Variants in EXT2 observed in about 807,000 individuals in gnomAD.
EXT2 encodes the protein exostosin-2.
EXT2 carries 53 observed loss-of-function variants against 81.6 expected under a neutral mutation model. The observed-to-expected ratio is 0.65, with a 90% CI of 0.52 to 0.82. The LOEUF is 0.82. EXT2 is among the 40% of genes least tolerant of loss of function. The probability of loss-of-function intolerance (pLI) is 0.00; values close to 1 mark genes in which losing one functional copy is unlikely to be tolerated. For synonymous variants in EXT2, 320 were observed against 340.0 expected (o/e 0.94, Z 0.65); for missense variants, 774 against 910.2 (o/e 0.85, Z 1.93).
At chr11:44,233,727 G>T (rs984212129) in intron 11 of EXT2, among the ~76,000 whole-genome samples, 16 of 151,972 alleles carry the variant, frequency 1.1e-4, no homozygotes, top group Non-Finnish European at 1.0e-4. Context: ...CCAGAAATGG[G>T]TTTTTTTATT....
At chr11:44,187,406 C>T (rs1955331276) in intron 8 of EXT2, among the ~76,000 whole-genome samples, 1 of 151,798 alleles carries the variant, frequency 6.6e-6, no homozygotes, top group Non-Finnish European at 1.5e-5. Flanking sequence ...GAACTCCTGG[C>T]CTCCAGCTCT....
intron 13 of EXT2, among the ~76,000 whole-genome samples, chr11:44,239,634 G>T (rs1004531291): frequency 2.1e-5 from 3 of 144,678 alleles, no homozygotes; most frequent in African/African-American, 5.2e-5. Flanking sequence ...CTCAGGATCC[G>T]CCCACCTCGG....
intron 8 of EXT2, among the ~76,000 whole-genome samples, chr11:44,192,537 C>T (rs1955405934): frequency 1.3e-5 from 2 of 152,008 alleles, no homozygotes; most frequent in African/African-American, 4.8e-5. Flanking sequence ...TCACCAATAC[C>T]AGTGTTTTAG....
rs1956129671 is a variant in EXT2, at chr11:44,250,485, T to G, written c.*6198T>G. Among the ~76,000 whole-genome samples the G allele has an allele frequency of 6.6e-6, 1 of 152,238 alleles. No individual in the cohort carries two copies. On this transcript the variant is annotated 3_prime_UTR_variant, in exon 14 of 14. Transcript: ENST00000533608. Reference sequence around the variant, plus strand: ...TTTACCAGATTGTACCTGGTGATGCTGGCAGCCAGCCCTCTTCCGGCCCCT... The same window carrying G: ...TTTACCAGATTGTACCTGGTGATGCGGGCAGCCAGCCCTCTTCCGGCCCCT...
chr11:44,237,947 G>GGT (rs113103446), intron 13 of EXT2, among the ~76,000 whole-genome samples: 9 of 151,306 alleles, frequency 5.9e-5, no homozygotes, highest in African/African-American at 1.9e-4. Flanking sequence ...AAGTTAGCTG[G>GGT]GTGTGGTGGC....
intron 7 of EXT2, among the ~76,000 whole-genome samples, chr11:44,141,406 A>C (rs1391341689): frequency 6.6e-6 from 1 of 152,244 alleles, no homozygotes. Context: ...CTGTAATTGT[A>C]CAAAAACCAA....
intron 13 of EXT2, among the ~76,000 whole-genome samples, chr11:44,239,747 A>T: frequency 7.4e-6 from 1 of 134,500 alleles, no homozygotes; most frequent in African/African-American, 2.9e-5. Flanking sequence ...TACTCAAATC[A>T]GTCTCTGTAT....
intron 7 of EXT2, chr11:44,144,145 G>T: frequency 1.0e-6 from 1 of 961,500 alleles, no homozygotes; most frequent in Admixed American, 1.8e-5. Context: ...GGAAAATCTC[G>T]CCCCAGGCAG....
chr11:44,110,187 C>T (rs866833630), intron 3 of EXT2, among the ~76,000 whole-genome samples: 19 of 152,262 alleles, frequency 1.2e-4, no homozygotes, highest in African/African-American at 4.6e-4. Context: ...GGCTAGTTCT[C>T]AACTTGTTAG....
At chr11:44,213,852 A>T (rs1247156762) in intron 10 of EXT2, among the ~76,000 whole-genome samples, 1 of 152,242 alleles carries the variant, frequency 6.6e-6, no homozygotes, top group Non-Finnish European at 1.5e-5. Context: ...TTAGCAAGAG[A>T]CATAAATGTA....
intron 13 of EXT2, among the ~76,000 whole-genome samples, chr11:44,237,651 A>G (rs991676741): frequency 8.5e-5 from 13 of 152,104 alleles, no homozygotes; most frequent in Non-Finnish European, 1.8e-4. Flanking sequence ...TATCGGATAT[A>G]TGGTCCAGGA....
intron 8 of EXT2, 99 bp downstream of exon 8, chr11:44,171,841 A>G (rs1413526575): frequency 1.9e-6 from 3 of 1,560,092 alleles, no homozygotes; most frequent in Admixed American, 1.7e-5. Flanking sequence ...TTTAAATTCT[A>G]GCTTTCTAAG....
chr11:44,187,073 C>A (rs1434612855), intron 8 of EXT2, among the ~76,000 whole-genome samples: 3 of 146,806 alleles, frequency 2.0e-5, no homozygotes, highest in Admixed American at 6.8e-5. Context: ...TCCCTCCGTC[C>A]CTCCCTCCCT....
chr11:44,152,835 G>C (rs889395058), intron 7 of EXT2, among the ~76,000 whole-genome samples: 2 of 152,102 alleles, frequency 1.3e-5, no homozygotes, highest in African/African-American at 4.8e-5. Context: ...AGATCATTCA[G>C]GTATATTTAT....
rs1192115471 is a variant in EXT2 at position 44,119,169 on chromosome 11, T to TATATATATATATATATATAC, written c.743+4869_743+4870insTATATATATATATATATACA. On this transcript the variant is annotated intron_variant, in intron 4 of 13. Coordinates refer to ENST00000533608, the MANE Select transcript of EXT2 (RefSeq NM_207122.2). ...ATATATATATATATATATATATATATACACATACACACACACACACACACA... is the reference window on the plus strand; with the variant it reads ...ATATATATATATATATATATATATATATATATATATATATATATACACACATACACACACACACACACACA... Among the ~76,000 whole-genome samples, 159 of 63,112 alleles carry TATATATATATATATATATAC rather than the reference T, an allele frequency of 2.5e-3. 10 individuals carry two copies. Among genetic ancestry groups the TATATATATATATATATATAC allele is most frequent in the Non-Finnish European group, 3.8e-3 (122 of 31,738 alleles). The allele number at this position is 63,112 out of a possible 152,430, so 41.4% of individuals were successfully genotyped here. A position where few individuals can be genotyped will look rare whatever the true frequency, so the allele number is the denominator to read the frequency against.
At chr11:44,164,722 G>A (rs1954969557) in intron 7 of EXT2, among the ~76,000 whole-genome samples, 1 of 152,140 alleles carries the variant, frequency 6.6e-6, no homozygotes, top group South Asian at 2.1e-4. Context: ...CAAAATCACT[G>A]TGGAATCTGA....
intron 13 of EXT2, among the ~76,000 whole-genome samples, chr11:44,239,393 C>CTT (rs1174306938): frequency 0.03 from 3,782 of 125,380 alleles, 156 homozygotes; most frequent in South Asian, 0.086. Flanking sequence ...TCTGTATATA[C>CTT]TTTTTTTTTT....
chr11:44,188,760 C>A (rs976526821), intron 8 of EXT2, among the ~76,000 whole-genome samples: 2 of 151,980 alleles, frequency 1.3e-5, no homozygotes, highest in Non-Finnish European at 2.9e-5. Flanking sequence ...CCCAAAGAGA[C>A]AAAGAGGTGG....
intron 10 of EXT2, among the ~76,000 whole-genome samples, chr11:44,210,288 C>A (rs886752586): frequency 6.6e-6 from 1 of 152,160 alleles, no homozygotes; most frequent in Non-Finnish European, 1.5e-5. Flanking sequence ...TGTGATACAT[C>A]CATAGAGTAG....
Sources: gnomAD v4.1 joint callset for allele counts (sites outside exome capture counted in the v4.1 genomes callset) on GRCh38, gnomAD v4.1.1 for gene constraint, MANE v1.5 for transcripts, NCBI Gene and HGNC (gene_info 2026-07-23, HGNC 2026-07-21) for gene names.